Variants in PHYHIP observed in about 807,000 individuals in gnomAD.
The protein encoded by PHYHIP is phytanoyl-CoA hydroxylase-interacting protein.
Under a neutral mutation model 26.1 loss-of-function variants are expected in PHYHIP, and 7 were observed. The observed-to-expected ratio is 0.27, with a 90% confidence interval of 0.15 to 0.50. PHYHIP has a LOEUF of 0.50. PHYHIP is among the 20% of genes least tolerant of loss of function. PHYHIP has a pLI of 0.98. For synonymous variants in PHYHIP, 206 were observed against 183.4 expected (o/e 1.12, Z -1.00); for missense variants, 232 against 454.7 (o/e 0.51, Z 4.45).
Position 22,228,322 on chromosome 8 carries a change from G to T in PHYHIP, c.36C>A (p.Ile12=). The T allele has an allele frequency of 6.2e-7, 1 of 1,608,256 alleles. No individual in the cohort carries two copies. The highest frequency in any genetic ancestry group is 8.5e-7 in the Non-Finnish European group (1 of 1,177,868). Residue 12 remains isoleucine, a synonymous_variant, in exon 2 of 5, where the codon ATC becomes ATA. Transcript: ENST00000454243. ...GGAAGGAGTCGCAGGTGATGTTGTT[G>T]ATCTCAATGCTGTGGGGCGTGGACA... is the stretch of plus-strand genomic sequence containing the variant. ...ELLSTPHSIE[I]NNITCDSFRI...
Position 22,224,291 on chromosome 8 carries a change from T to C in PHYHIP, c.393A>G (p.Ala131=), listed in dbSNP as rs1829697578. The C allele has an allele frequency of 6.2e-7, 1 of 1,612,830 alleles. No individual in the cohort carries two copies. Among genetic ancestry groups the C allele is most frequent in the Non-Finnish European group, 8.5e-7 (1 of 1,179,194 alleles). The change falls in exon 4 of 5, where the codon GCA becomes GCG. Residue 131 remains alanine, a synonymous_variant. Transcript: ENST00000454243. ...AGACGGAGAAGCGGAGCATGCGGCC[T>C]GCGATCTGCTCAGCTTTCTCCTGAA... is the stretch of plus-strand genomic sequence containing the variant. ...AQLQEKAEQI[A]GRMLRFSVFY... is the part of the protein sequence containing the mutation.
intron 2 of PHYHIP, 60 bp from the exon 3 acceptor site, chr8:22,227,085 G>A: frequency 1.4e-6 from 2 of 1,470,840 alleles, no homozygotes; most frequent in Non-Finnish European, 1.8e-6. Context: ...GCCCAATCTG[G>A]GCATCACCCC....
rs781419430 is a variant in PHYHIP, at chr8:22,220,522, C to G, written c.*831G>C. 1 of 152,434 alleles carries G rather than the reference C, an allele frequency of 6.6e-6. No homozygotes were observed. The highest frequency in any genetic ancestry group is 1.5e-5 in the Non-Finnish European group (1 of 68,240). The allele number at this position is 152,434 out of a possible 1,614,324, so 9.4% of individuals were successfully genotyped here. A position where few individuals can be genotyped will look rare whatever the true frequency, so the allele number is the denominator to read the frequency against. On this transcript the variant is annotated 3_prime_UTR_variant, in exon 5 of 5. Transcript: ENST00000454243. ...CCAGCAGAGCATGAGGCGGCCCACT[C>G]CCAGCTGAGGAAGGGGCACCTCTGG... is the stretch of plus-strand genomic sequence containing the variant.
At chr8:22,223,091 GGTGGCTCATGCCT>G (rs1482950379) in intron 4 of PHYHIP, among the ~76,000 whole-genome samples, 4 of 152,092 alleles carry the variant, frequency 2.6e-5, no homozygotes, top group African/African-American at 9.7e-5. Context: ...GGCCGGGCGT[GGTGGCTCATGCCT>G]GTAATCCCAG....
At chr8:22,226,473 A>T (rs1829747018) in intron 3 of PHYHIP, among the ~76,000 whole-genome samples, 1 of 152,176 alleles carries the variant, frequency 6.6e-6, no homozygotes. Flanking sequence ...ATGTGAATAT[A>T]CTTAATACCA....
At chr8:22,223,929 C>T (rs867584557) in intron 4 of PHYHIP, 1 of 312,362 alleles carries the variant, frequency 3.2e-6, no homozygotes, top group South Asian at 4.8e-5. Flanking sequence ...TGGTGGTAGA[C>T]CCCTGTGAAA....
rs116071123 is a variant in PHYHIP at position 22,228,421 on chromosome 8, A to G, written c.-29-35T>C. On this transcript the variant is annotated intron_variant, in intron 1 of 4. Transcript: ENST00000454243. ...AGGGAAAGGGTCAGTACATCCCTTG[A>G]CCCCGGCGAGCTTTCTGGAATGTCC... 3.0e-3 allele frequency: 4,023 copies of G among 1,320,322 alleles called. 74 individuals are homozygous for G. The African/African-American group carries it at 0.048, about 16-fold the overall frequency. 81.8% of individuals were successfully genotyped at this position (1,320,322 alleles called of 1,614,324 possible). A position where few individuals can be genotyped will look rare whatever the true frequency, so the allele number is the denominator to read the frequency against.
chr8:22,227,079 A>AG, intron 2 of PHYHIP, 54 bp from the exon 3 acceptor site: 1 of 1,496,296 alleles, frequency 6.7e-7, no homozygotes, highest in Non-Finnish European at 9.1e-7. Context: ...GTTCATGCCC[A>AG]ATCTGGGCAT....
At chr8:22,231,089 C>A (rs1194239678) in intron 1 of PHYHIP, among the ~76,000 whole-genome samples, 1 of 152,238 alleles carries the variant, frequency 6.6e-6, no homozygotes, top group Non-Finnish European at 1.5e-5. Flanking sequence ...ACTCTGCCAG[C>A]CCTGAGCCTT....
intron 1 of PHYHIP, among the ~76,000 whole-genome samples, chr8:22,230,229 G>A (rs905311972): frequency 1.3e-5 from 2 of 151,158 alleles, no homozygotes; most frequent in African/African-American, 2.4e-5. Flanking sequence ...ACACACACAC[G>A]AACACAGACA....
chr8:22,221,782 C>T lies in PHYHIP; in HGVS notation c.564G>A (p.Thr188=), dbSNP rs974105334. 14 of 1,611,770 alleles carry T rather than the reference C, an allele frequency of 8.7e-6. No individual in the cohort carries two copies. The highest frequency in any genetic ancestry group is 1.6e-4 in the Middle Eastern group (1 of 6,080). Residue 188 remains threonine (T), a synonymous_variant, in exon 5 of 5, where the codon ACG becomes ACA. Coordinates refer to ENST00000454243, the MANE Select transcript of PHYHIP (RefSeq NM_014759.5). This position sits in a 1 kb window ranked among gnomAD's most constrained non-coding sequence, Gnocchi z 7.9. The stretch of plus-strand genomic sequence containing the variant: ...GCGGGGGCTGGCCCGTGTTGAACTC[C>T]GTGTTGCAGCTGAAGAAGACCCCGT... ...MLHGVFFSCN[T]EFNTGQPPQD...
intron 3 of PHYHIP, among the ~76,000 whole-genome samples, chr8:22,225,468 T>C (rs533891548): frequency 6.6e-6 from 1 of 151,478 alleles, no homozygotes; most frequent in Non-Finnish European, 1.5e-5. Context: ...CATTCCAACC[T>C]GGGCAACAGA....
In PHYHIP at chr8:22,221,179, C is replaced by G. The variant is rs1343156397; in HGVS notation, c.*174G>C. The G allele has an allele frequency of 1.6e-6, 1 of 618,292 alleles. No individual in the cohort carries two copies. Among genetic ancestry groups the G allele is most frequent in the Non-Finnish European group, 2.7e-6 (1 of 365,464 alleles). 38.3% of individuals were successfully genotyped at this position (618,292 alleles called of 1,614,324 possible). A position where few individuals can be genotyped will look rare whatever the true frequency, so the allele number is the denominator to read the frequency against. The stretch of plus-strand genomic sequence containing the variant: ...TCCACCAGGCTGGGTGTGGGCCACA[C>G]TTACCAAGAGGACCACCGTCTGTTG... On this transcript the variant is annotated 3_prime_UTR_variant, in exon 5 of 5. Coordinates refer to ENST00000454243, the MANE Select transcript of PHYHIP (RefSeq NM_014759.5). The surrounding 1 kb of genome is among the most constrained non-coding windows in gnomAD (Gnocchi z 7.9).
At chr8:22,225,002 C>T (rs1402554918) in intron 3 of PHYHIP, among the ~76,000 whole-genome samples, 4 of 152,184 alleles carry the variant, frequency 2.6e-5, no homozygotes, top group Non-Finnish European at 5.9e-5. Context: ...TTAGAAGATG[C>T]CCTTCCCTCT....
rs1480380038 is a variant in PHYHIP, at chr8:22,221,907, A to G, written c.459-20T>C. 2.7e-6 allele frequency: 4 copies of G among 1,483,798 alleles called. No individual in the cohort carries two copies. The highest frequency in any genetic ancestry group is 3.6e-6 in the Non-Finnish European group (4 of 1,114,856). The allele number at this position is 1,483,798 out of a possible 1,614,324, so 91.9% of individuals were successfully genotyped here. A position where few individuals can be genotyped will look rare whatever the true frequency, so the allele number is the denominator to read the frequency against. ...TGGGTCCTGCCCACCCCAGGGAGAC[A>G]CACCAAAGGGAAGAGAAGATGTGGC... On this transcript the variant is annotated intron_variant, in intron 4 of 4. Coordinates refer to ENST00000454243, the MANE Select transcript of PHYHIP (RefSeq NM_014759.5). The surrounding 1 kb of genome is among the most constrained non-coding windows in gnomAD (Gnocchi z 7.9).
chr8:22,221,586 G>A lies in PHYHIP; in HGVS notation c.760C>T (p.Leu254=), dbSNP rs1283244367. ...SLGDRFCRDR[L]PLLDIACNKF... ...TTGCAAGCAATGTCCAGGAGGGGCA[G>A]GCGGTCGCGGCAGAAGCGGTCCCCC... The change falls in exon 5 of 5, where the codon CTG becomes TTG. Residue 254 remains leucine (L), a synonymous_variant. Coordinates refer to ENST00000454243, the MANE Select transcript of PHYHIP (RefSeq NM_014759.5). The surrounding 1 kb of genome is among the most constrained non-coding windows in gnomAD (Gnocchi z 7.9). The A allele has an allele frequency of 1.2e-6, 2 of 1,614,042 alleles. No homozygotes were observed. The highest frequency in any genetic ancestry group is 2.2e-5 in the South Asian group (2 of 91,080).
chr8:22,231,221 T>G (rs1227430068), intron 1 of PHYHIP, among the ~76,000 whole-genome samples: 2 of 152,060 alleles, frequency 1.3e-5, no homozygotes, highest in African/African-American at 4.8e-5. Flanking sequence ...AGCCCCTGTC[T>G]GCATACACTC....
rs760499209 is a variant in PHYHIP at position 22,226,979 on chromosome 8, G to A, written c.212C>T (p.Thr71Met). The change falls in exon 3 of 5, where the codon ACG becomes ATG. Residue 71 changes from threonine to methionine, a missense_variant. Thr to Met is a moderately conservative substitution (Grantham distance 81). Coordinates refer to ENST00000454243, the MANE Select transcript of PHYHIP (RefSeq NM_014759.5). ...LVAKAVPLPM[T>M]VRGHWFLSPR... ...GCTCAGGAACCAGTGGCCTCTCACC[G>A]TCATGGGCAGCGGCACTGCCTTGGC... 6.9e-5 allele frequency: 111 copies of A among 1,613,588 alleles called. No individual in the cohort carries two copies. The highest frequency in any genetic ancestry group is 1.6e-4 in the Middle Eastern group (1 of 6,084).
At chr8:22,224,404 T>C in intron 3 of PHYHIP, 61 bp from the exon 4 acceptor site, 2 of 925,042 alleles carry the variant, frequency 2.2e-6, no homozygotes, top group East Asian at 4.8e-5. Flanking sequence ...AAACACCTCC[T>C]GTCCCCACCC....
Sources: gnomAD v4.1 joint callset for allele counts (sites outside exome capture counted in the v4.1 genomes callset) on GRCh38, gnomAD v4.1.1 for gene constraint, Gnocchi (gnomAD v3.1) non-coding constraint, MANE v1.5 for transcripts, NCBI Gene and HGNC (gene_info 2026-07-23, HGNC 2026-07-21) for gene names.